DCHS2: variants seen among roughly 807,000 people sequenced by gnomAD.
DCHS2 encodes the protein dachsous cadherin-related 2, also known as protocadherin-23.
A neutral mutation model predicts 182.4 loss-of-function variants in DCHS2; 142 were observed. The ratio of observed to expected loss-of-function variants is 0.78; its 90% CI spans 0.68 to 0.89. The LOEUF is 0.89. Among genes scored for constraint, DCHS2 ranks in the 40% least tolerant of loss-of-function variants. The pLI is 0.00. For synonymous variants in DCHS2, 1,740 were observed against 1,663.3 expected, an observed-to-expected ratio of 1.05 and a Z score of -1.12; for missense variants, 4,319 against 4,198.6, an observed-to-expected ratio of 1.03 and a Z score of -0.79.
Position 154,236,538 on chromosome 4 carries a change from A to T in DCHS2, c.8114T>A (p.Ile2705Asn). 1 of 1,613,970 alleles carries T rather than the reference A, an allele frequency of 6.2e-7. No individual in the cohort carries two copies. Residue 2705 changes from isoleucine to asparagine, a missense_variant, in exon 20 of 20, where the codon ATC becomes AAC. Coordinates refer to ENST00000357232, the MANE Select transcript of DCHS2 (RefSeq NM_001358235.2). ...AAAATGTCCCTTCTCATTTCCAGAG[A>T]TGATGTTGTAGATGATTTCTGCATG... ...GSHAEIIYNI[I>N]SGNEKGHFYL...
intron 9 of DCHS2, among the ~76,000 whole-genome samples, chr4:154,317,330 T>TTA (rs1735900752): frequency 6.6e-6 from 1 of 152,240 alleles, no homozygotes; most frequent in South Asian, 2.1e-4. Context: ...TTCCAAGTAT[T>TTA]ACTGAAACAG....
intron 1 of DCHS2, among the ~76,000 whole-genome samples, chr4:154,440,578 T>C (rs531679414): frequency 6.2e-4 from 94 of 152,282 alleles, no homozygotes; most frequent in South Asian, 1.4e-3. Flanking sequence ...AAAACCATTG[T>C]CATAATTTTT....
chr4:154,318,312 C>A (rs1461190723), intron 9 of DCHS2, among the ~76,000 whole-genome samples: 1 of 151,164 alleles, frequency 6.6e-6, no homozygotes, highest in Non-Finnish European at 1.5e-5. Context: ...ATCTTAAGAA[C>A]CATCATTTTA....
chr4:154,369,204 T>C (rs1730528038), intron 2 of DCHS2, among the ~76,000 whole-genome samples: 1 of 152,106 alleles, frequency 6.6e-6, no homozygotes, highest in Non-Finnish European at 1.5e-5. Context: ...GAAGAAGAGA[T>C]GCATCTTTAC....
At chr4:154,277,372 C>T (rs752184725) in intron 13 of DCHS2, among the ~76,000 whole-genome samples, 5 of 152,014 alleles carry the variant, frequency 3.3e-5, no homozygotes, top group African/African-American at 4.8e-5. Context: ...AGTGGCTTAC[C>T]GCAGTGCCAG....
At chr4:154,328,933 A>C (rs754715857) in intron 6 of DCHS2, among the ~76,000 whole-genome samples, 7 of 152,220 alleles carry the variant, frequency 4.6e-5, no homozygotes, top group Non-Finnish European at 1.0e-4. Flanking sequence ...ATCCACTAAA[A>C]AAATTATTAG....
intron 1 of DCHS2, among the ~76,000 whole-genome samples, chr4:154,463,163 G>GTA (rs939192348): frequency 1.0e-3 from 79 of 77,746 alleles, no homozygotes; most frequent in Admixed American, 3.5e-3. Flanking sequence ...ATAAGTGTGT[G>GTA]TATATATATA....
rs992369778 is a variant in DCHS2, at chr4:154,234,539, T to A, written c.10113A>T (p.Ile3371=). Residue 3371 remains isoleucine (I), a synonymous_variant, in exon 20 of 20, where the codon ATA becomes ATT. Coordinates refer to ENST00000357232, the MANE Select transcript of DCHS2 (RefSeq NM_001358235.2). ...GGTACTTGGCATCCCAGTGGTTTCA[T>A]ATTTGAACTTCATCTTCTGCTTTAA... ...HELKAEDEVQ[I] The A allele has an allele frequency of 1.9e-6, 3 of 1,605,090 alleles. No homozygotes were observed. The South Asian group carries it at 3.3e-5, about 18-fold the overall frequency.
intron 13 of DCHS2, among the ~76,000 whole-genome samples, chr4:154,286,481 T>C (rs992694320): frequency 1.3e-5 from 2 of 151,936 alleles, no homozygotes; most frequent in African/African-American, 4.8e-5. Flanking sequence ...GAGTTCTGAA[T>C]CCTACTGGAT....
At chr4:154,433,395 C>T (rs868056204) in intron 1 of DCHS2, among the ~76,000 whole-genome samples, 96 of 103,854 alleles carry the variant, frequency 9.2e-4, no homozygotes, top group Admixed American at 1.2e-3. Flanking sequence ...TTTTTTTTTC[C>T]TTTTTTTTTT....
chr4:154,460,395 T>C (rs961499854), intron 1 of DCHS2, among the ~76,000 whole-genome samples: 5 of 152,176 alleles, frequency 3.3e-5, no homozygotes, highest in African/African-American at 1.2e-4. Context: ...CTCCTTAATA[T>C]CACAAATTAG....
chr4:154,354,274 G>A (rs2110734644), intron 3 of DCHS2, among the ~76,000 whole-genome samples: 1 of 152,284 alleles, frequency 6.6e-6, no homozygotes, highest in East Asian at 1.9e-4. Context: ...ATGTTTTCAT[G>A]TTTCATGGCT....
intron 3 of DCHS2, among the ~76,000 whole-genome samples, chr4:154,336,672 A>G (rs184765399): frequency 4.5e-4 from 68 of 152,308 alleles, no homozygotes; most frequent in African/African-American, 1.6e-3. Context: ...ATTCTTATTT[A>G]CTGAAATCAA....
chr4:154,274,218 T>C (rs1230703514), intron 13 of DCHS2, among the ~76,000 whole-genome samples: 1 of 152,186 alleles, frequency 6.6e-6, no homozygotes, highest in Non-Finnish European at 1.5e-5. Flanking sequence ...TTTATATATT[T>C]ATTTTTATTT....
At chr4:154,462,081 G>T (rs1313726317) in intron 1 of DCHS2, among the ~76,000 whole-genome samples, 1 of 152,054 alleles carries the variant, frequency 6.6e-6, no homozygotes, top group African/African-American at 2.4e-5. Flanking sequence ...CTCCCAACAA[G>T]ATGAGATGCC....
intron 7 of DCHS2, among the ~76,000 whole-genome samples, chr4:154,327,457 T>C (rs1342662870): frequency 6.6e-6 from 1 of 152,172 alleles, no homozygotes; most frequent in African/African-American, 2.4e-5. Context: ...TCAAACTATC[T>C]GTGGGAAAGG....
intron 10 of DCHS2, among the ~76,000 whole-genome samples, chr4:154,308,259 A>G (rs565561044): frequency 6.6e-6 from 1 of 152,040 alleles, no homozygotes. Flanking sequence ...AATTTAAAAA[A>G]AAAAAACAAA....
intron 1 of DCHS2, among the ~76,000 whole-genome samples, chr4:154,486,289 G>A (rs372772266): frequency 1.5e-4 from 23 of 152,302 alleles, no homozygotes; most frequent in African/African-American, 3.6e-4. Flanking sequence ...GCCAACACTC[G>A]GAGAGGGGAG....
intron 6 of DCHS2, 37 bp from the exon 7 acceptor site, chr4:154,328,229 A>G: frequency 6.8e-7 from 1 of 1,472,230 alleles, no homozygotes. Flanking sequence ...ATGAGTCAGC[A>G]AAAGTTTAAA....
Sources: allele counts gnomAD v4.1 joint callset (sites outside exome capture counted in the v4.1 genomes callset), GRCh38; gene constraint gnomAD v4.1.1; transcripts MANE v1.5; gene names NCBI Gene and HGNC (gene_info 2026-07-23, HGNC 2026-07-21).